Variants in RNF213 observed in about 807,000 individuals in gnomAD.
RNF213 encodes E3 ubiquitin-protein ligase RNF213.
A neutral mutation model predicts 514.4 loss-of-function variants in RNF213; 341 were observed. The observed-to-expected ratio is 0.66, with a 90% confidence interval of 0.61 to 0.73. The LOEUF is 0.73. RNF213 is among the 30% of genes least tolerant of loss of function. The pLI is 0.00. For synonymous variants in RNF213, 2,655 were observed against 2,658.2 expected, an observed-to-expected ratio of 1.00 and a Z score of 0.04; for missense variants, 5,767 against 6,615.6, an observed-to-expected ratio of 0.87 and a Z score of 4.45.
In RNF213 at chr17:80,288,364, G is replaced by A; in HGVS notation, c.810+1G>A. On this transcript the variant is annotated splice_donor_variant, in intron 4 of 67. Coordinates refer to ENST00000582970, the MANE Select transcript of RNF213 (RefSeq NM_001256071.3). LOFTEE classifies it high-confidence loss of function. This position sits in a 1 kb window ranked among gnomAD's most constrained non-coding sequence, Gnocchi z 4.9. ...ACAGGCAGGGGCCTCAGCCTCTATG[G>A]TGAGTCATCCGGGAGAGATGGCCTG... is the stretch of plus-strand genomic sequence containing the variant. 1 of 1,612,044 alleles carries A rather than the reference G, an allele frequency of 6.2e-7. No homozygotes were observed. The highest frequency in any genetic ancestry group is 1.7e-5 in the Admixed American group (1 of 60,030).
At chr17:80,270,042 C>T (rs1263746120) in intron 2 of RNF213, among the ~76,000 whole-genome samples, 1 of 152,236 alleles carries the variant, frequency 6.6e-6, no homozygotes, top group Non-Finnish European at 1.5e-5. Context: ...AGGACTGTCA[C>T]ATTCCCCAGA....
intron 11 of RNF213, among the ~76,000 whole-genome samples, chr17:80,301,687 G>T (rs1356490399): frequency 6.6e-6 from 1 of 152,178 alleles, no homozygotes; most frequent in African/African-American, 2.4e-5. Context: ...ATACAGTGTA[G>T]GAATGTAAAT....
chr17:80,350,721 C>G (rs981368530), intron 31 of RNF213, among the ~76,000 whole-genome samples: 1 of 152,180 alleles, frequency 6.6e-6, no homozygotes, highest in African/African-American at 2.4e-5. Context: ...ATCGCTTGAG[C>G]CTGGGAGGTC....
At chr17:80,393,290 G>T (rs541531635) in intron 67 of RNF213, 55 bp from the exon 68 acceptor site, 2 of 1,532,986 alleles carry the variant, frequency 1.3e-6, no homozygotes, top group South Asian at 2.2e-5. Flanking sequence ...GCTTACACAC[G>T]TGAGCCACCA....
At chr17:80,261,475 C>G (rs1235191443) in intron 1 of RNF213, among the ~76,000 whole-genome samples, 1 of 152,134 alleles carries the variant, frequency 6.6e-6, no homozygotes, top group East Asian at 1.9e-4. Context: ...GCCTGCAAGC[C>G]GGCGGGCCGG....
chr17:80,290,464 T>G, intron 6 of RNF213, 106 bp from the exon 7 acceptor site: 1 of 1,338,986 alleles, frequency 7.5e-7, no homozygotes, highest in Non-Finnish European at 1.1e-6. Context: ...AGTGCATGTG[T>G]GTGTGCACGT....
At chr17:80,376,670 T>C in intron 52 of RNF213, 127 bp downstream of exon 52, 2 of 1,369,690 alleles carry the variant, frequency 1.5e-6, no homozygotes, top group South Asian at 2.5e-5. Flanking sequence ...TGCCTTTGTG[T>C]CACCTGATTC....
At chr17:80,296,026 T>C (rs1222130468) in intron 10 of RNF213, among the ~76,000 whole-genome samples, 1 of 152,096 alleles carries the variant, frequency 6.6e-6, no homozygotes, top group African/African-American at 2.4e-5. Context: ...TCCCTGCCTT[T>C]TGTTTTCCCC....
At chr17:80,390,692 C>G (rs1275039098) in intron 67 of RNF213, among the ~76,000 whole-genome samples, 1 of 143,278 alleles carries the variant, frequency 7.0e-6, no homozygotes, top group East Asian at 2.0e-4. Flanking sequence ...GCCACTACAC[C>G]CAGCCTAAAA....
In RNF213 at chr17:80,317,497, G is replaced by A. The variant is rs967598839; in HGVS notation, c.2901+220G>A. 6.6e-6 allele frequency among the ~76,000 whole-genome samples: 1 copy of A among 152,176 alleles called. No homozygotes were observed. The highest frequency in any genetic ancestry group is 3.2e-3 in the Middle Eastern group (1 of 316). On this transcript the variant is annotated intron_variant, in intron 16 of 67. Transcript: ENST00000582970. The surrounding 1 kb of genome is among the most constrained non-coding windows in gnomAD (Gnocchi z 4.1). ...AGGACAGAGAAGAACAAGGGCCCAG[G>A]ATCTCACCATCATGGGGGTGCGGGA...
intron 15 of RNF213, among the ~76,000 whole-genome samples, chr17:80,313,766 G>C (rs2045678120): frequency 6.8e-6 from 1 of 147,682 alleles, no homozygotes; most frequent in South Asian, 2.1e-4. Context: ...AGGTGGTGGA[G>C]GTACTGGAGG....
At position 80,317,223 on chromosome 17, in the gene RNF213, G is replaced by A. The variant is rs140980905; in HGVS notation, c.2847G>A (p.Ala949=). 5,663 of 1,612,882 alleles carry A rather than the reference G, an allele frequency of 3.5e-3. 16 individuals are homozygous for A. The highest frequency in any genetic ancestry group is 5.3e-3 in the Middle Eastern group (32 of 6,058). ...GGCTGGTGGAAATCCAATTCCCCGC[G>A]GAGCATGGCTGGAAGGAGTCGTTGC... The part of the protein sequence containing the change: ...WRRLVEIQFP[A]EHGWKESLLG... Residue 949 remains alanine, a synonymous_variant, in exon 16 of 68, where the codon GCG becomes GCA. Transcript: ENST00000582970. The surrounding 1 kb of genome is among the most constrained non-coding windows in gnomAD (Gnocchi z 4.1).
chr17:80,295,052 C>T (rs2044884404), intron 9 of RNF213, 49 bp downstream of exon 9: 1 of 1,610,494 alleles, frequency 6.2e-7, no homozygotes, highest in South Asian at 1.1e-5. Context: ...GGAGCCACAC[C>T]TGACCTGCTA....
chr17:80,360,192 TCA>T lies in RNF213; in HGVS notation c.11189_11190del (p.Thr3730ArgfsTer66), dbSNP rs2079002811. ...GAGCTGTGGGTCCAGGCTCAGTACA[TCA>T]CAGACGCAGAAGGTGAGGCTACCTC... On this transcript the variant is annotated frameshift_variant, in exon 38 of 68. Coordinates refer to ENST00000582970, the MANE Select transcript of RNF213 (RefSeq NM_001256071.3). LOFTEE classifies it high-confidence loss of function. The T allele has an allele frequency of 6.2e-7, 1 of 1,613,148 alleles. No individual in the cohort carries two copies. Among genetic ancestry groups the T allele is most frequent in the South Asian group, 1.1e-5 (1 of 90,860 alleles).
At position 80,325,078 on chromosome 17, in the gene RNF213, T is replaced by C; in HGVS notation, c.3073T>C (p.Phe1025Leu). ...GTTCTCTTACTCTGATTTGCGGAAA[T>C]TTGGCATCGTCTTGTCTGCTGTGAT... ...QGFSYSDLRK[F>L]GIVLSAVITK... Residue 1025 changes from phenylalanine (F) to leucine (L), a missense_variant, in exon 18 of 68, where the codon TTT becomes CTT. Phe to Leu is a conservative substitution (Grantham distance 22). This residue lies in a region of RNF213 where 516 missense variants were observed against 566.5 expected (regional missense o/e 0.91). Coordinates refer to ENST00000582970, the MANE Select transcript of RNF213 (RefSeq NM_001256071.3). 1 of 1,537,238 alleles carries C rather than the reference T, an allele frequency of 6.5e-7. No individual in the cohort carries two copies. The highest frequency in any genetic ancestry group is 8.7e-7 in the Non-Finnish European group (1 of 1,146,902).
chr17:80,306,375 T>G lies in RNF213; in HGVS notation c.2334T>G (p.Ile778Met). 6.2e-7 allele frequency: 1 copy of G among 1,614,198 alleles called. No individual in the cohort carries two copies. The highest frequency in any genetic ancestry group is 8.5e-7 in the Non-Finnish European group (1 of 1,180,038). Reference protein sequence around the residue: ...SHLVMYMENFIEHLGRFPAHI... With the variant: ...SHLVMYMENFMEHLGRFPAHI... ...TGGTTATGTATATGGAAAACTTCATTGAGCACCTGGGTCGTTTTCCTGCTC... is the reference window on the plus strand; with the variant it reads ...TGGTTATGTATATGGAAAACTTCATGGAGCACCTGGGTCGTTTTCCTGCTC... The change falls in exon 12 of 68, where the codon ATT becomes ATG. Residue 778 changes from isoleucine to methionine, a missense_variant. By Grantham distance (10) the Ile-to-Met change is conservative. Coordinates refer to ENST00000582970, the MANE Select transcript of RNF213 (RefSeq NM_001256071.3).
intron 10 of RNF213, among the ~76,000 whole-genome samples, chr17:80,297,710 C>T (rs1453894331): frequency 6.6e-6 from 1 of 151,428 alleles, no homozygotes; most frequent in Non-Finnish European, 1.5e-5. Context: ...TGGCGTGAAC[C>T]CGAGAGGCAG....
Position 80,345,419 on chromosome 17 carries a change from A to G in RNF213, c.7084A>G (p.Asn2362Asp), listed in dbSNP as rs140733783. 1.2e-6 allele frequency: 2 copies of G among 1,613,798 alleles called. No individual in the cohort carries two copies. The highest frequency in any genetic ancestry group is 1.7e-5 in the Admixed American group (1 of 60,010). ...CCTGCTGCTCCAGAGGGTGCCCTTCAATGTCGACTTTGATAAACTGCCCAG... is the reference window on the plus strand; with the variant it reads ...CCTGCTGCTCCAGAGGGTGCCCTTCGATGTCGACTTTGATAAACTGCCCAG... ...QGLLLQRVPF[N>D]VDFDKLPRHK... The change falls in exon 29 of 68, where the codon AAT (asparagine) becomes GAT (aspartate). Residue 2362 changes from asparagine (N) to aspartate (D), a missense_variant. Around this residue, in one of 13 missense-constraint regions of RNF213, gnomAD observed 1,377 missense variants for 1,635.2 expected, o/e 0.84. Coordinates refer to ENST00000582970, the MANE Select transcript of RNF213 (RefSeq NM_001256071.3). This position sits in a 1 kb window ranked among gnomAD's most constrained non-coding sequence, Gnocchi z 6.0.
chr17:80,333,694 C>G (rs1396518510), intron 21 of RNF213: 1 of 144,710 alleles, frequency 6.9e-6, no homozygotes, highest in African/African-American at 2.8e-5. Context: ...ACTCTTATCT[C>G]AAAAAAAAAA....
Sources: allele counts gnomAD v4.1 joint callset (sites outside exome capture counted in the v4.1 genomes callset), GRCh38; gene constraint gnomAD v4.1.1; regional missense constraint gnomAD v4.1.1; non-coding constraint Gnocchi (gnomAD v3.1); transcripts MANE v1.5; gene names NCBI Gene and HGNC (gene_info 2026-07-23, HGNC 2026-07-21).